The following KCTD16 variants were observed in gnomAD, a reference collection of about 807,000 sequenced individuals.
KCTD16 encodes potassium channel tetramerization domain containing 16.
In KCTD16, 13 loss-of-function variants were observed where a neutral mutation model predicts 33.2. The ratio of observed to expected loss-of-function variants is 0.39; its 90% confidence interval spans 0.25 to 0.62. The LOEUF (loss-of-function observed/expected upper bound fraction) is 0.62. Among genes scored for constraint, KCTD16 ranks in the 20% least tolerant of loss-of-function variants. The pLI is 0.50. For synonymous variants in KCTD16, 197 were observed against 195.3 expected, an observed-to-expected ratio of 1.01 and a Z score of -0.07; for missense variants, 441 against 525.1, an observed-to-expected ratio of 0.84 and a Z score of 1.57.
intron 3 of KCTD16, among the ~76,000 whole-genome samples, chr5:144,457,953 G>C (rs905305457): frequency 2.6e-5 from 4 of 152,170 alleles, no homozygotes; most frequent in African/African-American, 9.7e-5. Context: ...GGCCTTGCCT[G>C]TTTCCAGAGA....
At chr5:144,178,574 C>A (rs993750391) in intron 2 of KCTD16, among the ~76,000 whole-genome samples, 1 of 152,080 alleles carries the variant, frequency 6.6e-6, no homozygotes, top group Non-Finnish European at 1.5e-5. Context: ...TATTCTTCTG[C>A]AGTCCTAATT....
intron 3 of KCTD16, among the ~76,000 whole-genome samples, chr5:144,208,708 A>G (rs1189496502): frequency 6.6e-6 from 1 of 152,234 alleles, no homozygotes; most frequent in Non-Finnish European, 1.5e-5. Context: ...TGGTGCCGGG[A>G]ACCTTGGTAG....
chr5:144,263,524 C>G (rs139450024), intron 3 of KCTD16, among the ~76,000 whole-genome samples: 1 of 152,114 alleles, frequency 6.6e-6, no homozygotes, highest in Non-Finnish European at 1.5e-5. Flanking sequence ...TATTTTTAGT[C>G]TTTCCTTCTT....
chr5:144,336,306 A>T (rs896850833), intron 3 of KCTD16, among the ~76,000 whole-genome samples: 2 of 152,186 alleles, frequency 1.3e-5, no homozygotes, highest in Admixed American at 1.3e-4. Context: ...ACAAAGCATA[A>T]AGGTGTGTGC....
chr5:144,422,227 C>G (rs1035989655), intron 3 of KCTD16, among the ~76,000 whole-genome samples: 2 of 152,078 alleles, frequency 1.3e-5, no homozygotes, highest in Non-Finnish European at 2.9e-5. Context: ...AGGCTGTGGT[C>G]TAGTATTTGT....
chr5:144,343,315 A>G (rs868598999), intron 3 of KCTD16, among the ~76,000 whole-genome samples: 8 of 151,892 alleles, frequency 5.3e-5, no homozygotes, highest in South Asian at 2.1e-4. Flanking sequence ...GGGAGGGTGT[A>G]TGTGTCGAGG....
At chr5:144,392,113 A>G (rs1315340324) in intron 3 of KCTD16, among the ~76,000 whole-genome samples, 2 of 152,224 alleles carry the variant, frequency 1.3e-5, no homozygotes, top group African/African-American at 4.8e-5. Context: ...AGTTGCCATG[A>G]AGGAAACAAA....
chr5:144,189,093 G>C (rs193248404), intron 2 of KCTD16, among the ~76,000 whole-genome samples: 2 of 152,286 alleles, frequency 1.3e-5, no homozygotes, highest in Non-Finnish European at 2.9e-5. Context: ...AGATATGCCA[G>C]GCTCTTTATA....
intron 3 of KCTD16, among the ~76,000 whole-genome samples, chr5:144,453,240 G>T (rs955648968): frequency 6.6e-6 from 1 of 151,896 alleles, no homozygotes; most frequent in Admixed American, 6.6e-5. Context: ...CCCCTTGGTC[G>T]CCTCTGACAC....
At position 144,481,649 on chromosome 5, in the gene KCTD16, T is replaced by G. The variant is rs1387965601; in HGVS notation, c.*7535T>G. The G allele has an allele frequency of 6.6e-6, 1 of 151,972 alleles. No homozygotes were observed. Among genetic ancestry groups the G allele is most frequent in the Non-Finnish European group, 1.5e-5 (1 of 67,928 alleles). The allele number at this position is 151,972 out of a possible 1,614,324, so 9.4% of individuals were successfully genotyped here. A position where few individuals can be genotyped will look rare whatever the true frequency, so the allele number is the denominator to read the frequency against. On this transcript the variant is annotated 3_prime_UTR_variant, in exon 4 of 4. Transcript: ENST00000512467. ...AGGGAAACTAAGGACCCAGAAAGTT[T>G]AAATCGGTCATTTATTTGTTTGTTT... is the stretch of plus-strand genomic sequence containing the variant.
chr5:144,186,037 A>G (rs1364804851), intron 2 of KCTD16, among the ~76,000 whole-genome samples: 2 of 152,144 alleles, frequency 1.3e-5, no homozygotes, highest in Non-Finnish European at 2.9e-5. Context: ...TTGAACTCCA[A>G]GTGAGCTTCA....
intron 3 of KCTD16, among the ~76,000 whole-genome samples, chr5:144,310,094 C>T (rs950851786): frequency 6.1e-4 from 93 of 151,666 alleles, no homozygotes; most frequent in African/African-American, 2.1e-3. Flanking sequence ...TTATTCTCCT[C>T]TCTACCTCCA....
At chr5:144,393,199 A>C (rs1048769398) in intron 3 of KCTD16, among the ~76,000 whole-genome samples, 1 of 152,160 alleles carries the variant, frequency 6.6e-6, no homozygotes, top group Non-Finnish European at 1.5e-5. Context: ...TCAGAGCAAT[A>C]ATCTTGTGAT....
intron 2 of KCTD16, among the ~76,000 whole-genome samples, chr5:144,202,167 G>A (rs568921562): frequency 3.3e-5 from 5 of 152,264 alleles, no homozygotes; most frequent in African/African-American, 9.6e-5. Flanking sequence ...ATCTGTTGCC[G>A]TATGCTGTTC....
chr5:144,417,621 A>T (rs1214832232), intron 3 of KCTD16, among the ~76,000 whole-genome samples: 1 of 152,068 alleles, frequency 6.6e-6, no homozygotes, highest in Non-Finnish European at 1.5e-5. Flanking sequence ...GATGAGATAC[A>T]ATTTATTTTT....
chr5:144,219,028 A>G (rs956067941), intron 3 of KCTD16, among the ~76,000 whole-genome samples: 1 of 152,078 alleles, frequency 6.6e-6, no homozygotes, highest in African/African-American at 2.4e-5. Context: ...GTTACTTCCT[A>G]TCAGGGCATA....
intron 3 of KCTD16, among the ~76,000 whole-genome samples, chr5:144,299,148 ATT>A (rs369343270): frequency 0.046 from 648 of 13,950 alleles, 46 homozygotes; most frequent in Admixed American, 0.074. Flanking sequence ...ATATATATAT[ATT>A]TTTTTTTTTT....
At chr5:144,176,592 C>G (rs921371063) in intron 2 of KCTD16, among the ~76,000 whole-genome samples, 7 of 150,618 alleles carry the variant, frequency 4.6e-5, no homozygotes, top group African/African-American at 1.7e-4. Flanking sequence ...TTAGTAGAGA[C>G]GGGGTTTCAC....
intron 3 of KCTD16, among the ~76,000 whole-genome samples, chr5:144,421,491 C>T (rs1376982663): frequency 1.3e-5 from 2 of 152,056 alleles, no homozygotes; most frequent in South Asian, 2.1e-4. Context: ...GGACTTGAAA[C>T]GAGACAGAAT....
Sources: gnomAD v4.1 joint callset for allele counts (sites outside exome capture counted in the v4.1 genomes callset) on GRCh38, gnomAD v4.1.1 for gene constraint, MANE v1.5 for transcripts, NCBI Gene and HGNC (gene_info 2026-07-23, HGNC 2026-07-21) for gene names.